The following FAM193A variants were observed in gnomAD, a reference collection of about 807,000 sequenced individuals.
The protein encoded by FAM193A is protein FAM193A.
Under a neutral mutation model 126.5 loss-of-function variants are expected in FAM193A, and 22 were observed. The observed-to-expected ratio is 0.17, with a 90% CI of 0.12 to 0.25. The LOEUF (loss-of-function observed/expected upper bound fraction) is 0.25. Among genes scored for constraint, FAM193A ranks in the 10% least tolerant of loss-of-function variants. The pLI, the probability that FAM193A is intolerant of heterozygous loss-of-function variation, is 1.00. For missense variants in FAM193A, 1,675 were observed against 1,672.8 expected (o/e 1.00, Z -0.02); for synonymous variants, 761 against 646.8 (o/e 1.18, Z -2.68).
In FAM193A at chr4:2,731,931, C is replaced by T. The variant is rs138884770; in HGVS notation, c.*63C>T. The T allele has an allele frequency of 1.5e-4, 187 of 1,270,404 alleles. 1 individual carries two copies. The African/African-American group carries it at 2.2e-3, about 15-fold the overall frequency. 78.7% of individuals were successfully genotyped at this position (1,270,404 alleles called of 1,614,324 possible). Reference sequence around the variant, plus strand: ...CCAGGCTGCACCACCCCAAGAGCCACGCCCCTCGCTGGCGCCCCAGAGCCG... The same window carrying T: ...CCAGGCTGCACCACCCCAAGAGCCATGCCCCTCGCTGGCGCCCCAGAGCCG... On this transcript the variant is annotated 3_prime_UTR_variant, in exon 21 of 21. Transcript: ENST00000637812.
intron 4 of FAM193A, among the ~76,000 whole-genome samples, chr4:2,629,949 G>A (rs1305444969): frequency 1.3e-5 from 2 of 152,090 alleles, no homozygotes; most frequent in Non-Finnish European, 2.9e-5. Context: ...TGGCTAACAT[G>A]GTGAAACCCC....
chr4:2,676,571 T>C (rs143458861), intron 13 of FAM193A, among the ~76,000 whole-genome samples: 195 of 152,344 alleles, frequency 1.3e-3, no homozygotes, highest in African/African-American at 4.5e-3. Context: ...TTATCAGATA[T>C]ATGATTTGCA....
In FAM193A at chr4:2,705,601, G is replaced by A. The variant is rs552785421; in HGVS notation, c.4372+5057G>A. Among the ~76,000 whole-genome samples the A allele has an allele frequency of 5.7e-3, 866 of 151,394 alleles. 7 individuals carry two copies. Among genetic ancestry groups the A allele is most frequent in the African/African-American group, 0.019 (803 of 41,234 alleles). ...TATTATTATTTATTCTTTTTTTTGG[G>A]AAGTGGGGTATAGGGTCTTGCTCTG... On this transcript the variant is annotated intron_variant, in intron 19 of 20. Coordinates refer to ENST00000637812, the MANE Select transcript of FAM193A (RefSeq NM_001366318.2).
intron 2 of FAM193A, among the ~76,000 whole-genome samples, chr4:2,622,818 T>A (rs572957527): frequency 3.3e-5 from 5 of 152,174 alleles, no homozygotes; most frequent in Admixed American, 2.6e-4. Context: ...CCTCATGACC[T>A]AATCACCACC....
intron 5 of FAM193A, among the ~76,000 whole-genome samples, chr4:2,638,291 C>T (rs1024709405): frequency 4.6e-5 from 7 of 152,232 alleles, no homozygotes; most frequent in South Asian, 2.1e-4. Context: ...AGGTAGTCTT[C>T]GTGTCCTCGT....
chr4:2,595,900 G>A (rs2108907264), intron 1 of FAM193A, among the ~76,000 whole-genome samples, 184 bp from the exon 2 acceptor site: 1 of 152,224 alleles, frequency 6.6e-6, no homozygotes, highest in Non-Finnish European at 1.5e-5. Context: ...TTTCTTTATG[G>A]CACTATTTAA....
At chr4:2,706,114 A>G (rs1718270576) in intron 19 of FAM193A, among the ~76,000 whole-genome samples, 1 of 152,126 alleles carries the variant, frequency 6.6e-6, no homozygotes, top group Admixed American at 6.6e-5. Flanking sequence ...AGGCTGAGGC[A>G]GGAGGATCAC....
chr4:2,664,556 TTC>T (rs1712872862), intron 12 of FAM193A, among the ~76,000 whole-genome samples: 3 of 137,032 alleles, frequency 2.2e-5, no homozygotes, highest in Non-Finnish European at 3.1e-5. Context: ...TCTATTTTCT[TTC>T]TTTTTTTTTT....
At chr4:2,594,275 A>G (rs1183098391) in intron 1 of FAM193A, among the ~76,000 whole-genome samples, 2 of 152,126 alleles carry the variant, frequency 1.3e-5, no homozygotes, top group Non-Finnish European at 2.9e-5. Context: ...CTGGGGTCCA[A>G]ATGAGAGCCC....
chr4:2,626,524 C>A lies in FAM193A; in HGVS notation c.750C>A (p.Asp250Glu), dbSNP rs1742981070. Residue 250 changes from aspartate (D) to glutamate (E), a missense_variant, in exon 4 of 21, where the codon GAC (aspartate) becomes GAA (glutamate). By Grantham distance (45) the Asp-to-Glu change is conservative. Coordinates refer to ENST00000637812, the MANE Select transcript of FAM193A (RefSeq NM_001366318.2). ...AGGCAGGAACCCCGCTGGCAGATGA[C>A]CAGGACCAGTCTCTGGTGCCTGACA... Reference protein sequence around the residue: ...YRQAGTPLADDQDQSLVPDKE... With the variant: ...YRQAGTPLADEQDQSLVPDKE... The A allele has an allele frequency of 4.3e-6, 3 of 702,330 alleles. No homozygotes were observed. Among genetic ancestry groups the A allele is most frequent in the Non-Finnish European group, 7.8e-6 (3 of 384,944 alleles). The allele number at this position is 702,330 out of a possible 1,614,324, so 43.5% of individuals were successfully genotyped here.
intron 2 of FAM193A, among the ~76,000 whole-genome samples, chr4:2,598,565 A>G (rs986059015): frequency 6.6e-6 from 1 of 152,230 alleles, no homozygotes; most frequent in African/African-American, 2.4e-5. Flanking sequence ...AAAATGAGTT[A>G]GAATGTGTTC....
chr4:2,601,227 C>CTTTTTTTTTTTTTTTTTTTTT (rs1201989388), intron 2 of FAM193A, among the ~76,000 whole-genome samples: 3 of 110,666 alleles, frequency 2.7e-5, no homozygotes, highest in East Asian at 2.7e-4. Flanking sequence ...TCTTCTTCTT[C>CTTTTTTTTTTTTTTTTTTTTT]TTTTTTTTTT....
chr4:2,717,902 C>CG (rs1719719209), intron 20 of FAM193A, among the ~76,000 whole-genome samples: 1 of 152,030 alleles, frequency 6.6e-6, no homozygotes, highest in African/African-American at 2.4e-5. Context: ...GATCCACCCC[C>CG]CCTTGGCCTC....
At chr4:2,543,694 TA>T (rs1170793212) in intron 1 of FAM193A, among the ~76,000 whole-genome samples, 1 of 151,374 alleles carries the variant, frequency 6.6e-6, no homozygotes, top group Non-Finnish European at 1.5e-5. Context: ...CCATCTCTAC[TA>T]AAAAATGCAA....
chr4:2,569,136 A>AT (rs377193375), intron 1 of FAM193A, among the ~76,000 whole-genome samples: 18 of 151,746 alleles, frequency 1.2e-4, no homozygotes, highest in African/African-American at 2.2e-4. Context: ...CACCTGGGTA[A>AT]TTTTTTTGTA....
intron 13 of FAM193A, among the ~76,000 whole-genome samples, chr4:2,681,972 GTTTTTTTTTTTTTGGT>G (rs965020189): frequency 5.3e-4 from 69 of 129,192 alleles, no homozygotes; most frequent in African/African-American, 1.8e-3. Context: ...ACTTCTCAGG[GTTTTTTTTTTTTTGGT>G]TTTTTTTTTT....
chr4:2,730,646 C>G (rs751679353), intron 20 of FAM193A, among the ~76,000 whole-genome samples: 1 of 149,820 alleles, frequency 6.7e-6, no homozygotes, highest in South Asian at 2.1e-4. Context: ...ACCGAGATCA[C>G]GCCACTGCAC....
chr4:2,637,549 C>T (rs1744208520), intron 5 of FAM193A, among the ~76,000 whole-genome samples: 2 of 152,314 alleles, frequency 1.3e-5, no homozygotes, highest in African/African-American at 2.4e-5. Context: ...TTCCTTCTTT[C>T]AAACCCCCAA....
intron 1 of FAM193A, among the ~76,000 whole-genome samples, chr4:2,574,838 A>T (rs993452176): frequency 3.3e-5 from 5 of 152,204 alleles, no homozygotes; most frequent in Non-Finnish European, 1.5e-5. Flanking sequence ...AACAACATTA[A>T]GTCATTAATT....
Sources: allele counts gnomAD v4.1 joint callset (sites outside exome capture counted in the v4.1 genomes callset), GRCh38; gene constraint gnomAD v4.1.1; transcripts MANE v1.5; gene names NCBI Gene and HGNC (gene_info 2026-07-23, HGNC 2026-07-21).